The following SCN3A variants were observed in gnomAD, a reference collection of about 807,000 sequenced individuals.
SCN3A encodes the protein sodium channel protein type 3 subunit alpha.
A neutral mutation model predicts 187.6 loss-of-function variants in SCN3A; 60 were observed. The observed-to-expected ratio is 0.32, with a 90% CI of 0.26 to 0.40. The LOEUF (loss-of-function observed/expected upper bound fraction) is 0.40. SCN3A is among the 10% of genes least tolerant of loss of function. The pLI, the probability that SCN3A is intolerant of heterozygous loss-of-function variation, is 1.00. For missense variants in SCN3A, 1,601 were observed against 2,428.2 expected (o/e 0.66, Z 7.16); for synonymous variants, 788 against 829.2 (o/e 0.95, Z 0.85).
chr2:165,094,521 T>C (rs1685264500), intron 25 of SCN3A, 43 bp from the exon 26 acceptor site: 2 of 1,293,990 alleles, frequency 1.5e-6, no homozygotes, highest in South Asian at 1.2e-5. Flanking sequence ...TGTGTTCCAA[T>C]AGTACTTTCA....
Position 165,154,496 on chromosome 2 carries a change from G to T in SCN3A, c.1336C>A (p.Gln446Lys). The change falls in exon 11 of 28, where the codon CAG becomes AAG. Residue 446 changes from glutamine (Q) to lysine (K), a missense_variant. Physicochemically the swap from Gln to Lys is moderately conservative, Grantham distance 53. Transcript: ENST00000283254. ...EEAEQKEAEF[Q>K]QMLEQLKKQQ... ...TTTTTAAGCTGTTCGAGCATCTGCT[G>T]AAATTCGGCCTCTTTTTGTTCTGCT... 1 of 1,614,138 alleles carries T rather than the reference G, an allele frequency of 6.2e-7. No individual in the cohort carries two copies. Among genetic ancestry groups the T allele is most frequent in the Admixed American group, 1.7e-5 (1 of 60,014 alleles).
At chr2:165,162,469 A>T in intron 8 of SCN3A, 87 bp downstream of exon 8, 1 of 1,587,486 alleles carries the variant, frequency 6.3e-7, no homozygotes, top group Non-Finnish European at 8.7e-7. Context: ...TTATTTACAA[A>T]GGTGGCTGTA....
chr2:165,198,944 A>G (rs1692151189), intron 1 of SCN3A, among the ~76,000 whole-genome samples: 1 of 152,012 alleles, frequency 6.6e-6, no homozygotes, highest in Admixed American at 6.6e-5. Flanking sequence ...TAAGCCCACA[A>G]AACGTGTCCT....
chr2:165,186,064 G>T (rs767352372), intron 2 of SCN3A, among the ~76,000 whole-genome samples: 4 of 152,094 alleles, frequency 2.6e-5, no homozygotes, highest in Admixed American at 6.5e-5. Context: ...GAGGTCAGGA[G>T]ATCGAGACCA....
intron 6 of SCN3A, 121 bp from the exon 7 acceptor site, chr2:165,163,830 T>C (rs1254856084): frequency 3.1e-6 from 5 of 1,613,722 alleles, no homozygotes; most frequent in Non-Finnish European, 4.2e-6. Context: ...TTTTCAGAGC[T>C]CTCAAGACTC....
intron 5 of SCN3A, among the ~76,000 whole-genome samples, chr2:165,167,221 A>G (rs1287404663): frequency 6.6e-6 from 1 of 152,222 alleles, no homozygotes; most frequent in African/African-American, 2.4e-5. Flanking sequence ...TGGGAAAACC[A>G]CATACAGAGT....
At chr2:165,181,492 A>C (rs1690869762) in intron 2 of SCN3A, among the ~76,000 whole-genome samples, 1 of 152,168 alleles carries the variant, frequency 6.6e-6, no homozygotes, top group South Asian at 2.1e-4. Flanking sequence ...ATTTGTTACT[A>C]TCACCACTAA....
chr2:165,168,633 T>G, intron 5 of SCN3A, 103 bp downstream of exon 5: 1 of 857,100 alleles, frequency 1.2e-6, no homozygotes, highest in Non-Finnish European at 2.0e-6. Context: ...AAATAACTTT[T>G]TCTTAGACAG....
chr2:165,199,126 C>T (rs992478795), intron 1 of SCN3A, among the ~76,000 whole-genome samples: 1 of 151,980 alleles, frequency 6.6e-6, no homozygotes, highest in Non-Finnish European at 1.5e-5. Context: ...TTCTGAAAAT[C>T]AGGAGATTAA....
chr2:165,147,273 G>A (rs1038480925), intron 11 of SCN3A, among the ~76,000 whole-genome samples: 1 of 102,712 alleles, frequency 9.7e-6, no homozygotes, highest in African/African-American at 3.3e-5. Flanking sequence ...CTTCTGGATT[G>A]TCTTTTTTTT....
At chr2:165,129,817 A>C in intron 17 of SCN3A, 123 bp downstream of exon 17, 3 of 1,197,558 alleles carry the variant, frequency 2.5e-6, no homozygotes, top group Non-Finnish European at 3.7e-6. Context: ...TCTGAGTGCT[A>C]ATAGGGGGAT....
chr2:165,149,550 A>G (rs1688567008), intron 11 of SCN3A, among the ~76,000 whole-genome samples: 1 of 152,228 alleles, frequency 6.6e-6, no homozygotes, highest in African/African-American at 2.4e-5. Context: ...AAACCAAAAC[A>G]GATTTCTAAG....
intron 15 of SCN3A, among the ~76,000 whole-genome samples, chr2:165,132,797 A>C (rs1040963878): frequency 1.3e-5 from 2 of 152,224 alleles, no homozygotes; most frequent in Admixed American, 6.5e-5. Flanking sequence ...TAATTAAACT[A>C]AAGAGCTTCT....
rs764363167 is a variant in SCN3A, at chr2:165,146,760, T to C, written c.1650A>G (p.Lys550=). 1 of 1,614,000 alleles carries C rather than the reference T, an allele frequency of 6.2e-7. No homozygotes were observed. The highest frequency in any genetic ancestry group is 2.2e-5 in the East Asian group (1 of 44,870). The change falls in exon 12 of 28, where the codon AAA becomes AAG. Residue 550 remains lysine, a synonymous_variant. Coordinates refer to ENST00000283254, the MANE Select transcript of SCN3A (RefSeq NM_006922.4). Reference sequence around the variant, plus strand: ...ATACCTGATGAGGGGAGCAGAATTTTTTGTCACTGGTCAGTCTGTTTCCAT... The same window carrying C: ...ATACCTGATGAGGGGAGCAGAATTTCTTGTCACTGGTCAGTCTGTTTCCAT... The part of the protein sequence containing the change: ...SMDGNRLTSD[K]KFCSPHQSLL...
rs1377744675 is a variant in SCN3A, at chr2:165,203,922, T to A, written c.-347A>T. ...TCCTCTGCAGCTGTTCAGCTTTTTT[T>A]TTTTTTTTTTTTTTTGACCACAGAG... On this transcript the variant is annotated 5_prime_UTR_variant, in exon 1 of 28. Coordinates refer to ENST00000283254, the MANE Select transcript of SCN3A (RefSeq NM_006922.4). 4.0e-5 allele frequency: 6 copies of A among 149,756 alleles called. No homozygotes were observed. The highest frequency in any genetic ancestry group is 4.0e-4 in the Admixed American group (6 of 14,982). 9.3% of individuals were successfully genotyped at this position (149,756 alleles called of 1,614,324 possible). A position where few individuals can be genotyped will look rare whatever the true frequency, so the allele number is the denominator to read the frequency against.
At chr2:165,121,039 A>G (rs750277401) in intron 18 of SCN3A, among the ~76,000 whole-genome samples, 1 of 152,014 alleles carries the variant, frequency 6.6e-6, no homozygotes, top group Non-Finnish European at 1.5e-5. Context: ...AAAGGATACA[A>G]AAGTATTCGT....
intron 1 of SCN3A, among the ~76,000 whole-genome samples, chr2:165,197,515 A>C (rs185977505): frequency 2.2e-4 from 33 of 151,604 alleles, no homozygotes; most frequent in Non-Finnish European, 3.7e-4. Context: ...CACTCTGTGA[A>C]TAAGCTGTTA....
At chr2:165,137,115 A>G (rs1485832162) in intron 15 of SCN3A, among the ~76,000 whole-genome samples, 1 of 152,142 alleles carries the variant, frequency 6.6e-6, no homozygotes, top group East Asian at 1.9e-4. Context: ...CCTAAAGACA[A>G]ATGATGCAGT....
intron 1 of SCN3A, among the ~76,000 whole-genome samples, chr2:165,190,716 C>T (rs1045247153): frequency 6.6e-6 from 1 of 150,612 alleles, no homozygotes; most frequent in Non-Finnish European, 1.5e-5. Context: ...TAGCATGATT[C>T]TATACTTCTT....
Sources: gnomAD v4.1 joint callset for allele counts (sites outside exome capture counted in the v4.1 genomes callset) on GRCh38, gnomAD v4.1.1 for gene constraint, MANE v1.5 for transcripts, NCBI Gene and HGNC (gene_info 2026-07-23, HGNC 2026-07-21) for gene names.